BRINP3: variants seen among roughly 807,000 people sequenced by gnomAD.
The protein encoded by BRINP3 is BMP/retinoic acid inducible neural specific 3, also known as BMP/retinoic acid-inducible neural-specific protein 3.
A neutral mutation model predicts 71.0 loss-of-function variants in BRINP3; 19 were observed. The observed-to-expected ratio is 0.27, with a 90% confidence interval of 0.19 to 0.39. The LOEUF (loss-of-function observed/expected upper bound fraction) is 0.39. BRINP3 is among the 10% of genes least tolerant of loss of function. BRINP3 has a pLI of 1.00. For missense variants in BRINP3, 959 were observed against 940.8 expected, an observed-to-expected ratio of 1.02 and a Z score of -0.25; for synonymous variants, 380 against 337.7, an observed-to-expected ratio of 1.13 and a Z score of -1.37.
chr1:190,305,207 A>G lies in BRINP3; in HGVS notation c.237-23457T>C, dbSNP rs149399093. ...AAAAAATTTGGAGGTTCCTCAAAAA[A>G]TTAAAAATCAAACTACAATATCATC... On this transcript the variant is annotated intron_variant, in intron 2 of 7. Transcript: ENST00000367462. Among the ~76,000 whole-genome samples, 860 of 152,060 alleles carry G rather than the reference A, an allele frequency of 5.7e-3. 6 individuals carry two copies. Among genetic ancestry groups the G allele is most frequent in the African/African-American group, 0.019 (773 of 41,540 alleles).
intron 7 of BRINP3, among the ~76,000 whole-genome samples, chr1:190,124,684 C>A (rs964416136): frequency 6.6e-6 from 1 of 151,880 alleles, no homozygotes; most frequent in Non-Finnish European, 1.5e-5. Flanking sequence ...ATATGTAACA[C>A]CGTGGGTGTA....
chr1:190,393,484 A>C (rs1453201318), intron 2 of BRINP3, among the ~76,000 whole-genome samples: 1 of 151,592 alleles, frequency 6.6e-6, no homozygotes, highest in Non-Finnish European at 1.5e-5. Context: ...AGAACCTGTA[A>C]TATAAAGTAT....
intron 6 of BRINP3, among the ~76,000 whole-genome samples, chr1:190,198,036 G>A (rs1654646397): frequency 6.6e-6 from 1 of 152,130 alleles, no homozygotes. Flanking sequence ...TCTTGACTCT[G>A]TGAACCCACA....
intron 6 of BRINP3, among the ~76,000 whole-genome samples, chr1:190,176,402 T>G (rs188991184): frequency 6.6e-6 from 1 of 152,222 alleles, no homozygotes; most frequent in East Asian, 1.9e-4. Flanking sequence ...GTTGGAGGAA[T>G]AGAATAACCA....
At chr1:190,308,037 T>G (rs116413778) in intron 2 of BRINP3, among the ~76,000 whole-genome samples, 1,528 of 151,962 alleles carry the variant, frequency 0.01, 23 homozygotes, top group African/African-American at 0.034. Flanking sequence ...GACCTTTCTG[T>G]TTGATATGGT....
Position 190,240,936 on chromosome 1 carries a change from C to G in BRINP3, c.619-6459G>C, listed in dbSNP as rs1415959579. On this transcript the variant is annotated intron_variant, in intron 4 of 7. Coordinates refer to ENST00000367462, the MANE Select transcript of BRINP3 (RefSeq NM_199051.3). Reference sequence around the variant, plus strand: ...GGTATTCTCAGAAATATAAAAATATCTTTAATTTATTTTATTTTACCTCAA... The same window carrying G: ...GGTATTCTCAGAAATATAAAAATATGTTTAATTTATTTTATTTTACCTCAA... Among the ~76,000 whole-genome samples, 10 of 130,782 alleles carry G rather than the reference C, an allele frequency of 7.6e-5. No individual in the cohort carries two copies. In the East Asian group the frequency reaches 2.3e-3, roughly 30 times the overall value. The allele number at this position is 130,782 out of a possible 152,430, so 85.8% of individuals were successfully genotyped here.
intron 2 of BRINP3, among the ~76,000 whole-genome samples, chr1:190,318,824 C>A (rs546744957): frequency 1.2e-4 from 19 of 152,036 alleles, no homozygotes; most frequent in Non-Finnish European, 2.4e-4. Flanking sequence ...ATTACTTTAT[C>A]TTCTTAAATG....
chr1:190,122,866 G>A (rs1653788289), intron 7 of BRINP3, among the ~76,000 whole-genome samples: 1 of 152,136 alleles, frequency 6.6e-6, no homozygotes, highest in Admixed American at 6.6e-5. Flanking sequence ...TATAGATATA[G>A]ATAGTGTTTT....
intron 6 of BRINP3, among the ~76,000 whole-genome samples, chr1:190,172,241 C>T (rs1208996105): frequency 6.7e-6 from 1 of 150,100 alleles, no homozygotes; most frequent in African/African-American, 2.5e-5. Flanking sequence ...AAATGCCTAA[C>T]TCCTTATATA....
intron 7 of BRINP3, among the ~76,000 whole-genome samples, chr1:190,116,685 A>G (rs535211098): frequency 2.4e-4 from 37 of 152,164 alleles, no homozygotes; most frequent in Non-Finnish European, 4.6e-4. Flanking sequence ...TTTCTGATCC[A>G]AAATCAAGTG....
At chr1:190,449,952 T>C (rs1483367058) in intron 2 of BRINP3, among the ~76,000 whole-genome samples, 2 of 152,198 alleles carry the variant, frequency 1.3e-5, no homozygotes, top group Non-Finnish European at 2.9e-5. Context: ...TTGCCAAATG[T>C]AGCAAATAAA....
intron 2 of BRINP3, among the ~76,000 whole-genome samples, chr1:190,380,001 AAAAAAAAAAAAG>A (rs1271019507): frequency 7.2e-6 from 1 of 139,532 alleles, no homozygotes; most frequent in Non-Finnish European, 1.6e-5. Context: ...CCACCTCAAA[AAAAAAAAAAAAG>A]AAAAAAGAAA....
At chr1:190,194,839 G>A (rs753130727) in intron 6 of BRINP3, among the ~76,000 whole-genome samples, 3 of 152,110 alleles carry the variant, frequency 2.0e-5, no homozygotes, top group Non-Finnish European at 2.9e-5. Context: ...AGTAGCTAAC[G>A]TCTGAAGGCC....
At chr1:190,303,920 TA>T (rs1664908521) in intron 2 of BRINP3, among the ~76,000 whole-genome samples, 1 of 151,692 alleles carries the variant, frequency 6.6e-6, no homozygotes, top group African/African-American at 2.4e-5. Context: ...ACAATCAACA[TA>T]AAATCATAAA....
At chr1:190,392,204 C>T (rs1671295347) in intron 2 of BRINP3, among the ~76,000 whole-genome samples, 1 of 151,598 alleles carries the variant, frequency 6.6e-6, no homozygotes. Context: ...TATAAACATT[C>T]AACTAAAGTA....
At position 190,281,768 on chromosome 1, in the gene BRINP3, T is replaced by G; in HGVS notation, c.237-18A>C. On this transcript the variant is annotated intron_variant, in intron 2 of 7. Coordinates refer to ENST00000367462, the MANE Select transcript of BRINP3 (RefSeq NM_199051.3). ...CAAACTCCCTGAAAAGCAAATTTATTTTTATTCATAAATGCATAATCTATC... is the reference window on the plus strand; with the variant it reads ...CAAACTCCCTGAAAAGCAAATTTATGTTTATTCATAAATGCATAATCTATC... The G allele has an allele frequency of 6.2e-7, 1 of 1,600,446 alleles. No homozygotes were observed. The highest frequency in any genetic ancestry group is 8.5e-7 in the Non-Finnish European group (1 of 1,174,226).
At chr1:190,459,137 A>C (rs1247580576) in intron 1 of BRINP3, among the ~76,000 whole-genome samples, 2 of 136,456 alleles carry the variant, frequency 1.5e-5, no homozygotes, top group South Asian at 2.2e-4. Flanking sequence ...CTTTCTCACA[A>C]AAAAAAAAAA....
At chr1:190,406,954 T>C (rs953490087) in intron 2 of BRINP3, among the ~76,000 whole-genome samples, 2 of 152,168 alleles carry the variant, frequency 1.3e-5, no homozygotes, top group African/African-American at 2.4e-5. Flanking sequence ...TTACAACTGA[T>C]CTTACGATAT....
chr1:190,108,843 G>GCAAAT (rs1652422780), intron 7 of BRINP3, among the ~76,000 whole-genome samples: 2 of 151,552 alleles, frequency 1.3e-5, no homozygotes, highest in African/African-American at 4.9e-5. Flanking sequence ...CAGCAATCAC[G>GCAAAT]CAAATCAAAT....
Sources: allele counts gnomAD v4.1 joint callset (sites outside exome capture counted in the v4.1 genomes callset), GRCh38; gene constraint gnomAD v4.1.1; transcripts MANE v1.5; gene names NCBI Gene and HGNC (gene_info 2026-07-23, HGNC 2026-07-21).